The following HMCN1 variants were observed in gnomAD, a reference collection of about 807,000 sequenced individuals.
HMCN1 encodes hemicentin-1.
A neutral mutation model predicts 625.9 loss-of-function variants in HMCN1; 321 were observed. That is an observed-to-expected ratio of 0.51 (90% CI 0.47 to 0.56). HMCN1 has a LOEUF of 0.56. Among genes scored for constraint, HMCN1 ranks in the 20% least tolerant of loss-of-function variants. HMCN1 has a pLI of 0.00. For synonymous variants in HMCN1, 2,425 were observed against 2,417.6 expected (o/e 1.00, Z -0.09); for missense variants, 6,588 against 6,887.3 (o/e 0.96, Z 1.54).
rs114633240 is a variant in HMCN1 at position 185,759,274 on chromosome 1, G to A, written c.268+24227G>A. ...GCACAGATGGGGAGAATTGTGGAAA[G>A]GTCAGTCATATGGCTGTTGAACTTT... On this transcript the variant is annotated intron_variant, in intron 1 of 106. Coordinates refer to ENST00000271588, the MANE Select transcript of HMCN1 (RefSeq NM_031935.3). Among the ~76,000 whole-genome samples, 1,275 of 152,264 alleles carry A rather than the reference G, an allele frequency of 8.4e-3. 16 individuals carry two copies. Among genetic ancestry groups the A allele is most frequent in the African/African-American group, 0.03 (1,239 of 41,540 alleles).
chr1:185,958,657 G>A (rs1439845789), intron 11 of HMCN1, among the ~76,000 whole-genome samples: 1 of 152,122 alleles, frequency 6.6e-6, no homozygotes, highest in Non-Finnish European at 1.5e-5. Context: ...TATTAACCTG[G>A]CTAGTCCATA....
chr1:186,013,567 T>C (rs1468602173), intron 30 of HMCN1, among the ~76,000 whole-genome samples: 1 of 152,154 alleles, frequency 6.6e-6, no homozygotes, highest in East Asian at 1.9e-4. Flanking sequence ...TCTAATATCC[T>C]TTTCCATTAA....
intron 5 of HMCN1, among the ~76,000 whole-genome samples, chr1:185,910,883 A>G (rs1180197814): frequency 6.6e-6 from 1 of 152,060 alleles, no homozygotes; most frequent in Non-Finnish European, 1.5e-5. Context: ...TTATTTCTTT[A>G]TATAACTGGA....
intron 1 of HMCN1, among the ~76,000 whole-genome samples, chr1:185,755,527 G>T (rs1165643931): frequency 6.6e-6 from 1 of 152,170 alleles, no homozygotes; most frequent in Admixed American, 6.5e-5. Flanking sequence ...CTGGGATAAG[G>T]CTCCAGAACT....
intron 36 of HMCN1, among the ~76,000 whole-genome samples, chr1:186,037,273 T>C (rs1316478789): frequency 1.3e-5 from 2 of 152,176 alleles, no homozygotes. Context: ...CCTTGAGATA[T>C]TGTTGAAAAC....
intron 83 of HMCN1, among the ~76,000 whole-genome samples, chr1:186,129,177 C>G (rs1661794838): frequency 6.9e-6 from 1 of 145,046 alleles, no homozygotes; most frequent in African/African-American, 2.7e-5. Flanking sequence ...TAATTTTCCA[C>G]TTAATATTCA....
Position 185,982,261 on chromosome 1 carries a change from G to T in HMCN1, c.2663-1G>T. 1 of 1,613,804 alleles carries T rather than the reference G, an allele frequency of 6.2e-7. No individual in the cohort carries two copies. The highest frequency in any genetic ancestry group is 2.2e-5 in the East Asian group (1 of 44,856). ...AGTGCCTGTGCTCTCTCTTGATTTA[G>T]TTGCTCCACTTATTGGAATCAGCCC... On this transcript the variant is annotated splice_acceptor_variant, in intron 17 of 106. Transcript: ENST00000271588. LOFTEE classifies it high-confidence loss of function.
intron 51 of HMCN1, 148 bp from the exon 52 acceptor site, chr1:186,070,464 G>A (rs1658407937): frequency 2.8e-6 from 2 of 708,532 alleles, no homozygotes; most frequent in Admixed American, 4.7e-5. Flanking sequence ...TTCATAAGAT[G>A]TTAACTTAGA....
In HMCN1 at chr1:185,754,292, G is replaced by A. The variant is rs373831257; in HGVS notation, c.268+19245G>A. On this transcript the variant is annotated intron_variant, in intron 1 of 106. Transcript: ENST00000271588. ...GAGGAATGGGAAGATGTTGGTGAAC[G>A]GATACAATGCTTCAGTTAGGAGGAA... Among the ~76,000 whole-genome samples the A allele has an allele frequency of 3.3e-5, 5 of 152,108 alleles. No homozygotes were observed. The South Asian group carries it at 8.3e-4, about 25-fold the overall frequency.
chr1:185,925,048 T>A lies in HMCN1; in HGVS notation c.1287T>A (p.Asp429Glu). The A allele has an allele frequency of 1.2e-6, 2 of 1,609,414 alleles. No individual in the cohort carries two copies. Among genetic ancestry groups the A allele is most frequent in the Non-Finnish European group, 8.5e-7 (1 of 1,177,184 alleles). ...TTTTGTTTTTGTTTTTTTTCCTAGA[T>A]GCTCCCAAAGTTACGATGCCTGAGA... ...SSVSFSSIVP[D>E]APKVTMPEKT... The change falls in exon 9 of 107, where the codon GAT becomes GAA. Residue 429 changes from aspartate to glutamate, a missense_variant and splice_region_variant. Transcript: ENST00000271588.
chr1:186,162,058 A>G (rs925975922), intron 97 of HMCN1, among the ~76,000 whole-genome samples: 14 of 152,194 alleles, frequency 9.2e-5, no homozygotes, highest in Admixed American at 6.5e-5. Flanking sequence ...AGGTACACCA[A>G]TCAGACGTAG....
chr1:186,174,006 C>T (rs543737125), intron 102 of HMCN1, among the ~76,000 whole-genome samples: 1 of 152,280 alleles, frequency 6.6e-6, no homozygotes, highest in East Asian at 1.9e-4. Context: ...GAATACAGAA[C>T]ATAATTTATC....
In HMCN1 at chr1:186,018,238, A is replaced by G. The variant is rs147995526; in HGVS notation, c.5356A>G (p.Asn1786Asp). The G allele has an allele frequency of 1.8e-4, 292 of 1,612,972 alleles. No individual in the cohort carries two copies. The African/African-American group carries it at 3.6e-3, about 20-fold the overall frequency. The change falls in exon 34 of 107, where the codon AAT (asparagine) becomes GAT (aspartate). Residue 1786 changes from asparagine to aspartate, a missense_variant. Transcript: ENST00000271588. The part of the protein sequence containing the change: ...DERDGFKILL[N>D]GRKLVIAQAQ... ...AAGGGATGGATTCAAGATTTTATTA[A>G]ATGGACGCAAACTGGTTATTGCTCA...
At chr1:185,891,731 GCTGCC>G (rs1281972621) in intron 4 of HMCN1, among the ~76,000 whole-genome samples, 8 of 148,052 alleles carry the variant, frequency 5.4e-5, no homozygotes, top group Non-Finnish European at 1.2e-4. Context: ...TTTCTCTCTG[GCTGCC>G]CTTAACATTT....
chr1:185,808,471 A>T (rs898375567), intron 1 of HMCN1, among the ~76,000 whole-genome samples: 1 of 152,208 alleles, frequency 6.6e-6, no homozygotes, highest in Non-Finnish European at 1.5e-5. Context: ...GTGAGGTGTG[A>T]TCATGCTACT....
chr1:185,963,102 G>A (rs888084442), intron 12 of HMCN1, among the ~76,000 whole-genome samples: 2 of 152,020 alleles, frequency 1.3e-5, no homozygotes, highest in African/African-American at 4.8e-5. Context: ...TTCCATTTTT[G>A]CCAAACTACA....
intron 6 of HMCN1, among the ~76,000 whole-genome samples, chr1:185,918,670 G>A (rs1366882174): frequency 2.0e-5 from 3 of 152,158 alleles, no homozygotes; most frequent in Non-Finnish European, 2.9e-5. Context: ...AGCAGCCTGT[G>A]TATTCCTGAC....
intron 11 of HMCN1, among the ~76,000 whole-genome samples, chr1:185,959,131 C>T (rs1649834363): frequency 6.6e-6 from 1 of 152,126 alleles, no homozygotes; most frequent in African/African-American, 2.4e-5. Context: ...CTAATTGTGA[C>T]TTAGGTAATT....
At chr1:185,987,133 CAAAA>C (rs551639173) in intron 19 of HMCN1, among the ~76,000 whole-genome samples, 1 of 124,612 alleles carries the variant, frequency 8.0e-6, no homozygotes, top group Admixed American at 8.1e-5. Context: ...GGGTTTCCAG[CAAAA>C]AAAAAAAAAG....
Sources: allele counts gnomAD v4.1 joint callset (sites outside exome capture counted in the v4.1 genomes callset), GRCh38; gene constraint gnomAD v4.1.1; transcripts MANE v1.5; gene names NCBI Gene and HGNC (gene_info 2026-07-23, HGNC 2026-07-21).